INCA1: variants seen among roughly 807,000 people sequenced by gnomAD.
INCA1 encodes the protein inhibitor of CDK, cyclin A1 interacting protein 1.
A neutral mutation model predicts 25.7 loss-of-function variants in INCA1; 28 were observed. That is an observed-to-expected ratio of 1.09 (90% CI 0.81 to 1.49). The LOEUF (loss-of-function observed/expected upper bound fraction) is 1.49, where lower values mean the gene tolerates loss of function less well. INCA1 is among the 40% of genes most tolerant of loss of function. The pLI, the probability that INCA1 is intolerant of heterozygous loss-of-function variation, is 0.00. For synonymous variants in INCA1, 111 were observed against 103.6 expected, an observed-to-expected ratio of 1.07 and a Z score of -0.43; for missense variants, 309 against 290.9, an observed-to-expected ratio of 1.06 and a Z score of -0.45.
intron 1 of INCA1, chr17:4,996,893 G>A (rs1037985330): frequency 6.5e-6 from 1 of 152,996 alleles, no homozygotes; most frequent in Non-Finnish European, 1.5e-5. Context: ...AGGGCCTAAA[G>A]TGGGGTCTAA....
exon 7 of INCA1, chr17:4,988,424 A>G: frequency 6.2e-7 from 1 of 1,607,238 alleles, no homozygotes; most frequent in Non-Finnish European, 8.5e-7. Flanking sequence ...AGACGCTGCC[A>G]ACTCCATCCC....
chr17:4,996,316 G>A lies in INCA1; in HGVS notation c.-39+687C>T, dbSNP rs150665527. ...CATCTGAGCCCGGGAGGTCAAGGCT[G>A]CAGTGAGGTAAGATCGCACCACTGC... On this transcript the variant is annotated intron_variant, in intron 1 of 6. Coordinates refer to ENST00000576820, the Ensembl canonical transcript of INCA1. Among the ~76,000 whole-genome samples the A allele has an allele frequency of 2.2e-4, 34 of 151,958 alleles. No homozygotes were observed. The East Asian group carries it at 6.4e-3, about 29-fold the overall frequency.
At chr17:4,993,685 G>T (rs1974032003) in intron 2 of INCA1, among the ~76,000 whole-genome samples, 1 of 150,496 alleles carries the variant, frequency 6.6e-6, no homozygotes, top group Admixed American at 6.7e-5. Context: ...AGCCAGGATG[G>T]TCTTGATCTC....
At chr17:4,995,960 A>T (rs1220669685) in intron 1 of INCA1, 1 of 152,210 alleles carries the variant, frequency 6.6e-6, no homozygotes, top group Non-Finnish European at 1.5e-5. Context: ...AATTAAAAAA[A>T]GTTAAGTGTG....
upstream of INCA1, among the ~76,000 whole-genome samples, chr17:4,997,322 G>A (rs1974362857): frequency 6.6e-6 from 1 of 152,180 alleles, no homozygotes; most frequent in Admixed American, 6.5e-5. Flanking sequence ...AGGGCAGGCT[G>A]GGGCCTGAGG....
exon 5 of INCA1, chr17:4,989,547 C>T (rs1477911458): frequency 1.2e-6 from 2 of 1,614,252 alleles, no homozygotes; most frequent in Non-Finnish European, 1.7e-6. Context: ...GCCTCCTCTT[C>T]TTTCTTCTCC....
exon 7 of INCA1, chr17:4,988,440 G>A (rs753065280): frequency 4.3e-6 from 7 of 1,612,130 alleles, no homozygotes; most frequent in African/African-American, 1.3e-5. Context: ...ATCCCCCAGG[G>A]ATTGTGAAGG....
At position 4,989,083 on chromosome 17, in the gene INCA1, A is replaced by G. The variant is rs1312012386; in HGVS notation, c.396-139T>C. The G allele has an allele frequency of 7.3e-6, 7 of 961,028 alleles. No individual in the cohort carries two copies. The South Asian group carries it at 8.8e-5, about 12-fold the overall frequency. 59.5% of individuals were successfully genotyped at this position (961,028 alleles called of 1,614,324 possible). On this transcript the variant is annotated intron_variant, in intron 5 of 6. Coordinates refer to ENST00000576820, the Ensembl canonical transcript of INCA1. ...TTTGACCTTTAACCCTCCACTCCCAATTTTCTGCTCCCCTCAGACTGAAGC... is the reference window on the plus strand; with the variant it reads ...TTTGACCTTTAACCCTCCACTCCCAGTTTTCTGCTCCCCTCAGACTGAAGC...
In INCA1 at chr17:4,989,408, C is replaced by T. The variant is rs1973665482; in HGVS notation, c.395+20G>A. The T allele has an allele frequency of 6.2e-7, 1 of 1,603,122 alleles. No individual in the cohort carries two copies. Among genetic ancestry groups the T allele is most frequent in the African/African-American group, 1.3e-5 (1 of 74,638 alleles). Reference sequence around the variant, plus strand: ...CAAATCCTGCATGACTCCCAGAACCCAGATGTCTCCCTTCCTTACTCGTTG... The same window carrying T: ...CAAATCCTGCATGACTCCCAGAACCTAGATGTCTCCCTTCCTTACTCGTTG... On this transcript the variant is annotated intron_variant, in intron 5 of 6. Coordinates refer to ENST00000576820, the Ensembl canonical transcript of INCA1.
chr17:4,988,211 G>C, downstream of INCA1: 1 of 527,632 alleles, frequency 1.9e-6, no homozygotes, highest in Non-Finnish European at 3.3e-6. Context: ...GACTTGGGGT[G>C]CTCCTGTGAG....
chr17:4,995,197 C>G (rs1435956911), intron 1 of INCA1, among the ~76,000 whole-genome samples: 2 of 149,042 alleles, frequency 1.3e-5, no homozygotes, highest in East Asian at 3.9e-4. Context: ...GAGCAAGACT[C>G]TGTCTCAAAA....
intron 1 of INCA1, among the ~76,000 whole-genome samples, chr17:4,994,953 C>A (rs945755468): frequency 6.6e-5 from 10 of 152,144 alleles, no homozygotes; most frequent in Non-Finnish European, 1.5e-4. Context: ...TGCCTGTAAT[C>A]CCAGCCCTTT....
intron 1 of INCA1, among the ~76,000 whole-genome samples, chr17:4,995,563 G>A (rs1974182838): frequency 6.6e-6 from 1 of 152,104 alleles, no homozygotes; most frequent in Admixed American, 6.5e-5. Flanking sequence ...GCGGGGCTGG[G>A]GCAAGAGAAT....
intron 1 of INCA1, among the ~76,000 whole-genome samples, chr17:4,994,971 C>T (rs936938531): frequency 5.3e-5 from 8 of 151,588 alleles, no homozygotes; most frequent in African/African-American, 1.7e-4. Flanking sequence ...TTTGGGAGGC[C>T]GAGGCAGGCA....
At chr17:4,993,798 G>A (rs1356908245) in intron 2 of INCA1, among the ~76,000 whole-genome samples, 1 of 108,126 alleles carries the variant, frequency 9.2e-6, no homozygotes, top group Non-Finnish European at 1.8e-5. Flanking sequence ...TTGAGATGGA[G>A]TCTTGTTCTG....
At chr17:4,995,404 A>T (rs1020520384) in intron 1 of INCA1, among the ~76,000 whole-genome samples, 1 of 152,216 alleles carries the variant, frequency 6.6e-6, no homozygotes, top group Non-Finnish European at 1.5e-5. Context: ...TTGAAAAATG[A>T]TGACAGTGGA....
chr17:4,989,650 G>A (rs1973696175), intron 4 of INCA1, 26 bp from the exon 5 acceptor site: 1 of 1,609,770 alleles, frequency 6.2e-7, no homozygotes, highest in Non-Finnish European at 8.5e-7. Flanking sequence ...GGGAAAAAGA[G>A]CTAGAAAGAA....
chr17:4,991,667 A>C (rs1056114204), intron 2 of INCA1, among the ~76,000 whole-genome samples: 1 of 152,172 alleles, frequency 6.6e-6, no homozygotes, highest in East Asian at 1.9e-4. Flanking sequence ...CAATAAGCTG[A>C]TGACTCCCAA....
intron 1 of INCA1, chr17:4,995,910 A>G (rs1050461889): frequency 6.6e-6 from 1 of 152,150 alleles, no homozygotes; most frequent in African/African-American, 2.4e-5. Context: ...CAGTCTGTGC[A>G]ACAAGAGTGA....
Sources: allele counts gnomAD v4.1 joint callset (sites outside exome capture counted in the v4.1 genomes callset), GRCh38; gene constraint gnomAD v4.1.1; transcripts MANE v1.5; gene names NCBI Gene and HGNC (gene_info 2026-07-23, HGNC 2026-07-21).